The following EIF3H variants were observed in gnomAD, a reference collection of about 807,000 sequenced individuals.
EIF3H encodes the protein eukaryotic translation initiation factor 3 subunit H.
In EIF3H, 26 loss-of-function variants were observed where a neutral mutation model predicts 44.2. That is an observed-to-expected ratio of 0.59 (90% CI 0.43 to 0.82). EIF3H has a LOEUF of 0.82. EIF3H is among the 40% of genes least tolerant of loss of function. The probability of loss-of-function intolerance (pLI) is 0.00; values close to 1 mark genes in which losing one functional copy is unlikely to be tolerated. For synonymous variants in EIF3H, 166 were observed against 151.9 expected (o/e 1.09, Z -0.68); for missense variants, 359 against 432.8 (o/e 0.83, Z 1.51).
chr8:116,725,812 TAAGTA>T (rs138708978), intron 2 of EIF3H, among the ~76,000 whole-genome samples, 199 bp downstream of exon 2: 7,895 of 152,132 alleles, frequency 0.052, 664 homozygotes, highest in African/African-American at 0.18. Flanking sequence ...AAATTCCAAA[TAAGTA>T]AAGGCCAAAC....
rs1221037720 is a variant in EIF3H, at chr8:116,680,198, TGG to T, written c.290-21220_290-21219del. On this transcript the variant is annotated intron_variant, in intron 2 of 7. Transcript: ENST00000521861. ...TGGCCAGCCGCCCCTTCCGGGAGGG[TGG>T]GGGGGGGGGTCAGCCCCCCGCCCGG... Among the ~76,000 whole-genome samples the T allele has an allele frequency of 3.9e-4, 2 of 5,082 alleles. 1 individual carries two copies. The highest frequency in any genetic ancestry group is 1.4e-3 in the Non-Finnish European group (2 of 1,480). 3.3% of individuals were successfully genotyped at this position (5,082 alleles called of 152,430 possible).
Position 116,726,091 on chromosome 8 carries a change from C to T in EIF3H, c.214G>A (p.Val72Ile). ...VVQGVLLGLVVEDRLEITNCF... is the reference protein window; with the variant it reads ...VVQGVLLGLVIEDRLEITNCF... Reference sequence around the variant, plus strand: ...TTGGTAATTTCAAGCCGATCTTCTACAACCAGACCCAAAAGCACTCCTTGA... The same window carrying T: ...TTGGTAATTTCAAGCCGATCTTCTATAACCAGACCCAAAAGCACTCCTTGA... The change falls in exon 2 of 8, where the codon GTA (valine) becomes ATA (isoleucine). Residue 72 changes from valine (V) to isoleucine (I), a missense_variant. Coordinates refer to ENST00000521861, the MANE Select transcript of EIF3H (RefSeq NM_003756.3). 6.2e-7 allele frequency: 1 copy of T among 1,614,140 alleles called. No individual in the cohort carries two copies. The highest frequency in any genetic ancestry group is 8.5e-7 in the Non-Finnish European group (1 of 1,179,990).
intron 2 of EIF3H, among the ~76,000 whole-genome samples, chr8:116,688,502 A>G (rs184022440): frequency 5.9e-5 from 9 of 152,274 alleles, no homozygotes; most frequent in African/African-American, 2.2e-4. Flanking sequence ...GCAAGACATA[A>G]AAGATATACT....
intron 2 of EIF3H, among the ~76,000 whole-genome samples, chr8:116,686,851 G>C (rs1169441792): frequency 2.0e-5 from 3 of 152,166 alleles, no homozygotes; most frequent in Non-Finnish European, 4.4e-5. Context: ...CTGTGCAAAG[G>C]GATAAAAATG....
intron 2 of EIF3H, among the ~76,000 whole-genome samples, chr8:116,693,508 T>C (rs1422232585): frequency 1.3e-5 from 2 of 152,228 alleles, no homozygotes; most frequent in South Asian, 2.1e-4. Context: ...CAAATGATTA[T>C]ATATTCTGTC....
chr8:116,696,457 A>G (rs891285979), intron 2 of EIF3H, among the ~76,000 whole-genome samples: 2 of 152,244 alleles, frequency 1.3e-5, no homozygotes, highest in Non-Finnish European at 2.9e-5. Flanking sequence ...GAATAGTTAC[A>G]AAGTTCCCCA....
chr8:116,713,033 A>G (rs1814600278), intron 2 of EIF3H, among the ~76,000 whole-genome samples: 1 of 152,162 alleles, frequency 6.6e-6, no homozygotes, highest in Non-Finnish European at 1.5e-5. Flanking sequence ...TAGTACTAAA[A>G]CAGTTCATTT....
chr8:116,674,320 GT>G (rs1813810126), intron 2 of EIF3H, among the ~76,000 whole-genome samples: 1 of 144,498 alleles, frequency 6.9e-6, no homozygotes, highest in African/African-American at 2.6e-5. Flanking sequence ...GGGGGTGGAG[GT>G]GGGGGGGGGT....
chr8:116,762,660 G>C (rs571059531), intron 1 of EIF3H, among the ~76,000 whole-genome samples: 1 of 152,310 alleles, frequency 6.6e-6, no homozygotes, highest in East Asian at 1.9e-4. Flanking sequence ...TGGGCTGGCT[G>C]CTGTGGCTCA....
At chr8:116,655,303 C>A (rs780804256) in intron 5 of EIF3H, among the ~76,000 whole-genome samples, 4 of 150,654 alleles carry the variant, frequency 2.7e-5, no homozygotes, top group African/African-American at 7.3e-5. Context: ...AAGGCAGTCA[C>A]GGTGGAGGAA....
At chr8:116,752,677 A>G (rs1307703484) in intron 1 of EIF3H, among the ~76,000 whole-genome samples, 84 of 65,636 alleles carry the variant, frequency 1.3e-3, no homozygotes, top group African/African-American at 4.1e-3. Flanking sequence ...AGAAAGAAAG[A>G]AAGAAAGAAA....
rs528284979 is a variant in EIF3H, at chr8:116,735,754, T to C, written c.133-9582A>G. On this transcript the variant is annotated intron_variant, in intron 1 of 7. Coordinates refer to ENST00000521861, the MANE Select transcript of EIF3H (RefSeq NM_003756.3). ...CTGTTGATGTATCAAGCCCCCACTT[T>C]ATTACGCTCTGCAGGTATGCTTGCA... Among the ~76,000 whole-genome samples, 8 of 151,924 alleles carry C rather than the reference T, an allele frequency of 5.3e-5. No homozygotes were observed. The South Asian group carries it at 1.7e-3, about 32-fold the overall frequency.
intron 2 of EIF3H, among the ~76,000 whole-genome samples, chr8:116,663,856 G>C (rs1348407584): frequency 2.7e-5 from 4 of 150,400 alleles, no homozygotes; most frequent in Non-Finnish European, 4.4e-5. Flanking sequence ...GTTTGAGCCC[G>C]TGAGGCAGAT....
At chr8:116,717,695 A>G (rs1586473889) in intron 2 of EIF3H, among the ~76,000 whole-genome samples, 1 of 152,328 alleles carries the variant, frequency 6.6e-6, no homozygotes, top group East Asian at 1.9e-4. Context: ...GGCAATCCAC[A>G]TGCAGAAGAA....
At position 116,666,820 on chromosome 8, in the gene EIF3H, C is replaced by G. The variant is rs575515109; in HGVS notation, c.290-7840G>C. ...TCTTTCATGAGGACAAGTAACACCT[C>G]TTGTCATATTTCCAGGTATTAGATT... On this transcript the variant is annotated intron_variant, in intron 2 of 7. Coordinates refer to ENST00000521861, the MANE Select transcript of EIF3H (RefSeq NM_003756.3). Among the ~76,000 whole-genome samples, 108 of 140,644 alleles carry G rather than the reference C, an allele frequency of 7.7e-4. 1 individual carries two copies. Among genetic ancestry groups the G allele is most frequent in the Admixed American group, 7.2e-3 (102 of 14,192 alleles). The allele number at this position is 140,644 out of a possible 152,430, so 92.3% of individuals were successfully genotyped here. A position where few individuals can be genotyped will look rare whatever the true frequency, so the allele number is the denominator to read the frequency against.
chr8:116,661,445 A>C (rs1351508462), intron 2 of EIF3H, among the ~76,000 whole-genome samples: 4 of 152,238 alleles, frequency 2.6e-5, no homozygotes, highest in Non-Finnish European at 5.9e-5. Flanking sequence ...CGAGGTTCTC[A>C]TGCCAGCTCT....
chr8:116,651,869 G>A (rs1402691027), intron 5 of EIF3H, among the ~76,000 whole-genome samples: 1 of 152,172 alleles, frequency 6.6e-6, no homozygotes. Flanking sequence ...TAAGGACAGT[G>A]GGAAACCAGC....
chr8:116,642,251 T>C lies in EIF3H; in HGVS notation c.*2755A>G, dbSNP rs890409340. 1.3e-5 allele frequency: 2 copies of C among 152,286 alleles called. No homozygotes were observed. Among genetic ancestry groups the C allele is most frequent in the Admixed American group, 6.5e-5 (1 of 15,300 alleles). The allele number at this position is 152,286 out of a possible 1,614,324, so 9.4% of individuals were successfully genotyped here. ...CAGCATGGTTTGAAAGTGAAGCTGATACAAGTTTTCTAAAGGATGTTAAAA... is the reference window on the plus strand; with the variant it reads ...CAGCATGGTTTGAAAGTGAAGCTGACACAAGTTTTCTAAAGGATGTTAAAA... On this transcript the variant is annotated 3_prime_UTR_variant, in exon 8 of 8. Coordinates refer to ENST00000521861, the MANE Select transcript of EIF3H (RefSeq NM_003756.3).
chr8:116,684,692 G>A (rs1360102988), intron 2 of EIF3H, among the ~76,000 whole-genome samples: 1 of 152,064 alleles, frequency 6.6e-6, no homozygotes, highest in Non-Finnish European at 1.5e-5. Context: ...TTCAAAGATT[G>A]AAGGAAATAG....
Sources: allele counts gnomAD v4.1 joint callset (sites outside exome capture counted in the v4.1 genomes callset), GRCh38; gene constraint gnomAD v4.1.1; transcripts MANE v1.5; gene names NCBI Gene and HGNC (gene_info 2026-07-23, HGNC 2026-07-21).